GRIP1: variants seen among roughly 807,000 people sequenced by gnomAD.
GRIP1 encodes the protein glutamate receptor-interacting protein 1.
GRIP1 carries 45 observed loss-of-function variants against 129.9 expected under a neutral mutation model. The ratio of observed to expected loss-of-function variants is 0.35; its 90% confidence interval spans 0.27 to 0.44. The LOEUF is 0.44. Ranked by LOEUF, GRIP1 falls within the 20% of genes least tolerant of loss-of-function variation. The pLI, the probability that GRIP1 is intolerant of heterozygous loss-of-function variation, is 1.00. For synonymous variants in GRIP1, 530 were observed against 520.8 expected (o/e 1.02, Z -0.24); for missense variants, 1,196 against 1,396.8 (o/e 0.86, Z 2.29).
rs192769068 is a variant in GRIP1 at position 66,498,686 on chromosome 12, A to G, written c.724+16933T>C. 2.8e-3 allele frequency among the ~76,000 whole-genome samples: 419 copies of G among 151,454 alleles called. 1 individual carries two copies. Among genetic ancestry groups the G allele is most frequent in the African/African-American group, 9.6e-3 (399 of 41,444 alleles). ...TCAGTTTTGACTTTGACACTTATAA[A>G]CTGTCATACAGGCAAAAAAAAAATG... On this transcript the variant is annotated intron_variant, in intron 7 of 24. Coordinates refer to ENST00000359742, the MANE Select transcript of GRIP1 (RefSeq NM_001366722.1).
chr12:66,734,720 A>G (rs1180018894), intron 1 of GRIP1, among the ~76,000 whole-genome samples: 1 of 152,224 alleles, frequency 6.6e-6, no homozygotes, highest in Non-Finnish European at 1.5e-5. Flanking sequence ...ACTTCCCTCC[A>G]TAGATGGACA....
chr12:66,399,018 A>G (rs912653845), intron 16 of GRIP1, among the ~76,000 whole-genome samples: 1 of 152,000 alleles, frequency 6.6e-6, no homozygotes, highest in African/African-American at 2.4e-5. Context: ...GGATGAATGA[A>G]TATTAGCATG....
chr12:66,956,618 G>A (rs1383014004), intron 1 of GRIP1, among the ~76,000 whole-genome samples: 1 of 152,128 alleles, frequency 6.6e-6, no homozygotes, highest in Non-Finnish European at 1.5e-5. Context: ...TAAATGTTTA[G>A]GAGAAGATAC....
intron 15 of GRIP1, among the ~76,000 whole-genome samples, chr12:66,408,799 G>A (rs1384497959): frequency 1.3e-5 from 2 of 152,164 alleles, no homozygotes; most frequent in Admixed American, 6.5e-5. Context: ...GGAGCCCATC[G>A]CCTTGAAAGA....
chr12:66,372,810 A>G (rs2055584156), intron 22 of GRIP1, among the ~76,000 whole-genome samples: 1 of 152,048 alleles, frequency 6.6e-6, no homozygotes, highest in African/African-American at 2.4e-5. Flanking sequence ...TTCATTTCTC[A>G]TGGTTGGAGA....
At chr12:66,956,251 T>C (rs1452179391) in intron 1 of GRIP1, among the ~76,000 whole-genome samples, 1 of 152,220 alleles carries the variant, frequency 6.6e-6, no homozygotes, top group Non-Finnish European at 1.5e-5. Context: ...CTTGAAACTT[T>C]TGAAGCAAAT....
intron 2 of GRIP1, among the ~76,000 whole-genome samples, chr12:66,567,141 C>A (rs894939674): frequency 6.6e-6 from 1 of 152,070 alleles, no homozygotes; most frequent in Non-Finnish European, 1.5e-5. Flanking sequence ...CTGCTCTGAT[C>A]TTAGTTATTT....
chr12:66,870,540 T>C (rs1306800525), intron 1 of GRIP1, among the ~76,000 whole-genome samples: 1 of 152,132 alleles, frequency 6.6e-6, no homozygotes, highest in Admixed American at 6.6e-5. Context: ...TAGACTGAAG[T>C]CAGTTGTATT....
chr12:66,767,314 G>A (rs952617201), intron 1 of GRIP1, among the ~76,000 whole-genome samples: 1 of 152,166 alleles, frequency 6.6e-6, no homozygotes. Flanking sequence ...AGGAGGAGGG[G>A]AGGAGGGGAG....
At chr12:66,633,431 A>G (rs1245903925) in intron 1 of GRIP1, among the ~76,000 whole-genome samples, 1 of 151,696 alleles carries the variant, frequency 6.6e-6, no homozygotes, top group Non-Finnish European at 1.5e-5. Context: ...GATTACAGGC[A>G]TGGGCTAATG....
chr12:66,406,752 G>A (rs1165946248), intron 15 of GRIP1, among the ~76,000 whole-genome samples: 1 of 152,202 alleles, frequency 6.6e-6, no homozygotes. Flanking sequence ...AGGTATCCTT[G>A]TCTTTCTCCA....
chr12:66,761,371 A>G (rs17102875), intron 1 of GRIP1, among the ~76,000 whole-genome samples: 1,987 of 152,160 alleles, frequency 0.013, 51 homozygotes, highest in African/African-American at 0.046. Flanking sequence ...CTTCCATGAT[A>G]CTTTTTGCTC....
In GRIP1 at chr12:66,541,925, G is replaced by C. The variant is rs759704197; in HGVS notation, c.162C>G (p.Val54=). Residue 54 remains valine (V), a synonymous_variant, in exon 3 of 25, where the codon GTC becomes GTG. Transcript: ENST00000359742. ...IPEEFKGSTV[V]ELMKKEGTTL... ...TAGTGCCTTCCTTCTTCATCAGCTC[G>C]ACGACTGTGGAGCCCTTGAATTCCT... 1.1e-5 allele frequency: 18 copies of C among 1,613,642 alleles called. No homozygotes were observed. The highest frequency in any genetic ancestry group is 2.5e-6 in the Non-Finnish European group (3 of 1,179,720).
At chr12:66,579,528 A>C (rs1355054486) in intron 2 of GRIP1, among the ~76,000 whole-genome samples, 1 of 152,190 alleles carries the variant, frequency 6.6e-6, no homozygotes, top group Non-Finnish European at 1.5e-5. Flanking sequence ...AGATGAATGT[A>C]TAACTAGAAT....
chr12:66,976,347 T>C (rs1465984960), intron 1 of GRIP1, among the ~76,000 whole-genome samples: 1 of 152,224 alleles, frequency 6.6e-6, no homozygotes, highest in East Asian at 1.9e-4. Context: ...CCTCACAGAC[T>C]GTCCAATCCA....
At chr12:66,781,460 C>A (rs530513659) in intron 1 of GRIP1, among the ~76,000 whole-genome samples, 2 of 152,158 alleles carry the variant, frequency 1.3e-5, no homozygotes, top group Non-Finnish European at 2.9e-5. Context: ...TAGAAAAAAT[C>A]ATCAAAACAG....
At chr12:66,887,192 A>G (rs2040580387) in intron 1 of GRIP1, among the ~76,000 whole-genome samples, 1 of 152,260 alleles carries the variant, frequency 6.6e-6, no homozygotes, top group African/African-American at 2.4e-5. Flanking sequence ...TTGCCTTAGG[A>G]GTAAAACAAA....
rs1172755624 is a variant in GRIP1, at chr12:66,618,717, GTTTA to G, written c.56-21794_56-21791del. ...TATTAATACATGTGCATAATGAAAT[GTTTA>G]TTTATCAATATCCACTAATGCATGT... is the stretch of plus-strand genomic sequence containing the variant. On this transcript the variant is annotated intron_variant, in intron 1 of 24. Coordinates refer to ENST00000359742, the MANE Select transcript of GRIP1 (RefSeq NM_001366722.1). Among the ~76,000 whole-genome samples, 5 of 152,110 alleles carry G rather than the reference GTTTA, an allele frequency of 3.3e-5. No homozygotes were observed. The East Asian group carries it at 9.7e-4, about 29-fold the overall frequency.
intron 22 of GRIP1, among the ~76,000 whole-genome samples, chr12:66,374,144 ATTCT>A (rs2055669814): frequency 6.6e-6 from 1 of 152,064 alleles, no homozygotes; most frequent in African/African-American, 2.4e-5. Flanking sequence ...GTCATGGGAT[ATTCT>A]TTATTTTATG....
Sources: allele counts gnomAD v4.1 joint callset (sites outside exome capture counted in the v4.1 genomes callset), GRCh38; gene constraint gnomAD v4.1.1; transcripts MANE v1.5; gene names NCBI Gene and HGNC (gene_info 2026-07-23, HGNC 2026-07-21).